The following PHLPP1 variants were observed in gnomAD, a reference collection of about 807,000 sequenced individuals.
The protein encoded by PHLPP1 is PH domain leucine-rich repeat-containing protein phosphatase 1.
PHLPP1 carries 42 observed loss-of-function variants against 117.2 expected under a neutral mutation model. The observed-to-expected ratio is 0.36, with a 90% confidence interval of 0.28 to 0.46. The LOEUF is 0.46. PHLPP1 is among the 20% of genes least tolerant of loss of function. The pLI is 1.00. For missense variants in PHLPP1, 2,084 were observed against 2,241.9 expected, an observed-to-expected ratio of 0.93 and a Z score of 1.42; for synonymous variants, 1,042 against 970.7, an observed-to-expected ratio of 1.07 and a Z score of -1.37.
intron 9 of PHLPP1, among the ~76,000 whole-genome samples, chr18:62,919,572 C>T (rs1909399624): frequency 2.0e-5 from 3 of 152,136 alleles, no homozygotes; most frequent in African/African-American, 7.2e-5. Context: ...AAAGACTGCT[C>T]AGTTGTGTTT....
At chr18:62,874,466 G>A (rs769628126) in intron 4 of PHLPP1, among the ~76,000 whole-genome samples, 12 of 152,044 alleles carry the variant, frequency 7.9e-5, no homozygotes, top group Non-Finnish European at 1.2e-4. Flanking sequence ...CTGAGATTGC[G>A]CCACTGCACT....
At chr18:62,977,724 C>CA (rs1911232266) in intron 16 of PHLPP1, among the ~76,000 whole-genome samples, 1 of 152,212 alleles carries the variant, frequency 6.6e-6, no homozygotes, top group Non-Finnish European at 1.5e-5. Context: ...CTCTTGTGAT[C>CA]ATGGAGAGCA....
chr18:62,877,007 G>A (rs543391844), intron 4 of PHLPP1, among the ~76,000 whole-genome samples: 17 of 152,070 alleles, frequency 1.1e-4, no homozygotes, highest in Middle Eastern at 3.5e-3. Flanking sequence ...CAAGGATGTG[G>A]GCATAATAGA....
intron 1 of PHLPP1, among the ~76,000 whole-genome samples, chr18:62,785,276 CAG>C (rs981485973): frequency 6.6e-6 from 1 of 152,158 alleles, no homozygotes; most frequent in African/African-American, 2.4e-5. Context: ...CTCAGAAGGA[CAG>C]GGAGAATTTA....
intron 1 of PHLPP1, among the ~76,000 whole-genome samples, chr18:62,750,990 C>T (rs1298958715): frequency 6.6e-6 from 1 of 152,144 alleles, no homozygotes; most frequent in African/African-American, 2.4e-5. Context: ...TCCCTGATTC[C>T]TCAGGTGCCC....
At chr18:62,882,069 T>A (rs1436483804) in intron 4 of PHLPP1, among the ~76,000 whole-genome samples, 2 of 152,190 alleles carry the variant, frequency 1.3e-5, no homozygotes, top group Non-Finnish European at 2.9e-5. Context: ...TAGAAATTAT[T>A]TGGCTTCCTT....
intron 1 of PHLPP1, among the ~76,000 whole-genome samples, chr18:62,815,132 G>GATCCA (rs1914230284): frequency 6.6e-6 from 1 of 151,480 alleles, no homozygotes; most frequent in Admixed American, 6.6e-5. Flanking sequence ...ATTTGACCGT[G>GATCCA]GCTGGAGGAT....
intron 1 of PHLPP1, among the ~76,000 whole-genome samples, chr18:62,821,170 G>A (rs1250845983): frequency 1.3e-5 from 2 of 152,150 alleles, no homozygotes; most frequent in Non-Finnish European, 1.5e-5. Context: ...GTTGGCTCAC[G>A]CCTGTAATCC....
intron 1 of PHLPP1, among the ~76,000 whole-genome samples, chr18:62,780,877 A>G (rs1031303037): frequency 6.6e-6 from 1 of 152,192 alleles, no homozygotes; most frequent in Non-Finnish European, 1.5e-5. Context: ...ATGATACCTC[A>G]TATCCTCTCC....
intron 1 of PHLPP1, among the ~76,000 whole-genome samples, chr18:62,718,243 A>G (rs1449656413): frequency 6.6e-6 from 1 of 152,252 alleles, no homozygotes; most frequent in Non-Finnish European, 1.5e-5. Flanking sequence ...TATTTAAAAT[A>G]AAGTTCTCAT....
Position 62,797,166 on chromosome 18 carries a change from A to T in PHLPP1, c.1577-32869A>T, listed in dbSNP as rs958530032. ...CCTTCCGACCTGTTTGGGTAGGAAT[A>T]GATTATTCTTCTGTAACCAAAACTT... is the stretch of plus-strand genomic sequence containing the variant. On this transcript the variant is annotated intron_variant, in intron 1 of 16. Coordinates refer to ENST00000262719, the MANE Select transcript of PHLPP1 (RefSeq NM_194449.4). 4.6e-5 allele frequency among the ~76,000 whole-genome samples: 7 copies of T among 152,360 alleles called. No homozygotes were observed. The South Asian group carries it at 8.3e-4, about 18-fold the overall frequency.
intron 4 of PHLPP1, among the ~76,000 whole-genome samples, chr18:62,893,663 G>T (rs114763400): frequency 6.6e-6 from 1 of 152,294 alleles, no homozygotes; most frequent in African/African-American, 2.4e-5. Context: ...TAGGCAGAGT[G>T]CATACTGTCT....
At position 62,716,958 on chromosome 18, in the gene PHLPP1, C is replaced by T. The variant is rs551589785; in HGVS notation, c.1275C>T (p.Ser425=). Residue 425 remains serine (S), a synonymous_variant, in exon 1 of 17, where the codon AGC becomes AGT. Transcript: ENST00000262719. The surrounding 1 kb of genome is among the most constrained non-coding windows in gnomAD (Gnocchi z 5.7). The part of the protein sequence containing the change: ...PQQKAPRAID[S]PGGAVREGSC... The stretch of plus-strand genomic sequence containing the variant: ...AGAAAGCCCCGAGGGCCATTGACAG[C>T]CCGGGCGGGGCCGTCCGCGAGGGGT... 460 of 1,538,758 alleles carry T rather than the reference C, an allele frequency of 3.0e-4. 3 individuals carry two copies. The African/African-American group carries it at 4.0e-3, about 13-fold the overall frequency.
chr18:62,849,971 A>G (rs989129763), intron 3 of PHLPP1, among the ~76,000 whole-genome samples: 3 of 150,504 alleles, frequency 2.0e-5, no homozygotes, highest in African/African-American at 4.9e-5. Flanking sequence ...CTAATTTATT[A>G]TTTTATAAAG....
chr18:62,933,373 A>C (rs1909875674), intron 10 of PHLPP1, among the ~76,000 whole-genome samples: 1 of 152,046 alleles, frequency 6.6e-6, no homozygotes, highest in Non-Finnish European at 1.5e-5. Context: ...TACTGCAAAC[A>C]CTGTAGGTAA....
At chr18:62,799,737 T>G (rs762290788) in intron 1 of PHLPP1, among the ~76,000 whole-genome samples, 3 of 152,194 alleles carry the variant, frequency 2.0e-5, no homozygotes, top group Non-Finnish European at 4.4e-5. Flanking sequence ...TTCTTTGACC[T>G]TCCCTCACCT....
At chr18:62,876,663 A>G (rs1916057732) in intron 4 of PHLPP1, among the ~76,000 whole-genome samples, 1 of 152,194 alleles carries the variant, frequency 6.6e-6, no homozygotes, top group African/African-American at 2.4e-5. Flanking sequence ...CATTTCTTGT[A>G]TTTAGTATTC....
chr18:62,870,338 T>C (rs1159695283), intron 4 of PHLPP1, among the ~76,000 whole-genome samples: 1 of 152,212 alleles, frequency 6.6e-6, no homozygotes, highest in African/African-American at 2.4e-5. Context: ...TATATACATA[T>C]ATTTAATACC....
rs11317555 is a variant in PHLPP1 at position 62,918,205 on chromosome 18, CAAAAAAAA to C, written c.2805-1741_2805-1734del. On this transcript the variant is annotated intron_variant, in intron 9 of 16. Transcript: ENST00000262719. ...TGGGCGACAGAGTGAGACTCTGTCT[CAAAAAAAA>C]AAAAAAAAAAAAGAGTTTGACAAAA... 1.6e-4 allele frequency among the ~76,000 whole-genome samples: 13 copies of C among 80,602 alleles called. No individual in the cohort carries two copies. In the East Asian group the frequency reaches 4.6e-3, roughly 29 times the overall value. The allele number at this position is 80,602 out of a possible 152,430, so 52.9% of individuals were successfully genotyped here.
Sources: allele counts gnomAD v4.1 joint callset (sites outside exome capture counted in the v4.1 genomes callset), GRCh38; gene constraint gnomAD v4.1.1; non-coding constraint Gnocchi (gnomAD v3.1); transcripts MANE v1.5; gene names NCBI Gene and HGNC (gene_info 2026-07-23, HGNC 2026-07-21).